The following CACNA1B variants were observed in gnomAD, a reference collection of about 807,000 sequenced individuals.
The protein encoded by CACNA1B is voltage-dependent N-type calcium channel subunit alpha-1B.
A neutral mutation model predicts 247.2 loss-of-function variants in CACNA1B; 70 were observed. The observed-to-expected ratio is 0.28, with a 90% CI of 0.23 to 0.35. The LOEUF (loss-of-function observed/expected upper bound fraction) is 0.35. Among genes scored for constraint, CACNA1B ranks in the 10% least tolerant of loss-of-function variants. The probability of loss-of-function intolerance (pLI) is 1.00; values close to 1 mark genes in which losing one functional copy is unlikely to be tolerated. For synonymous variants in CACNA1B, 1,231 were observed against 1,294.4 expected (o/e 0.95, Z 1.05); for missense variants, 2,367 against 3,197.4 (o/e 0.74, Z 6.26).
At chr9:138,076,873 GGAGAGACCTCTTA>G (rs1238134991) in intron 35 of CACNA1B, among the ~76,000 whole-genome samples, 2 of 152,238 alleles carry the variant, frequency 1.3e-5, no homozygotes, top group Admixed American at 6.5e-5. Flanking sequence ...TGAGCTGCCT[GGAGAGACCTCTTA>G]GACTCTTGTT....
intron 2 of CACNA1B, among the ~76,000 whole-genome samples, chr9:137,879,932 G>A (rs1162033672): frequency 6.6e-6 from 1 of 152,162 alleles, no homozygotes; most frequent in Non-Finnish European, 1.5e-5. Flanking sequence ...CCATGTCTGG[G>A]TTCCGAGTGT....
intron 6 of CACNA1B, among the ~76,000 whole-genome samples, chr9:137,949,109 G>GT (rs1564203161): frequency 3.1e-4 from 16 of 51,164 alleles, no homozygotes; most frequent in Non-Finnish European, 3.7e-4. Context: ...TGTTTGTGGT[G>GT]GCTGTGTGTC....
intron 15 of CACNA1B, among the ~76,000 whole-genome samples, chr9:137,999,220 G>A: frequency 6.8e-6 from 1 of 147,486 alleles, no homozygotes; most frequent in Non-Finnish European, 1.5e-5. Context: ...GTGACAGAGT[G>A]AGACTCCAAC....
rs7021254 is a variant in CACNA1B at position 137,990,893 on chromosome 9, A to G, written c.1974+4039A>G. On this transcript the variant is annotated intron_variant, in intron 15 of 46. Transcript: ENST00000371372. The surrounding 1 kb of genome is among the most constrained non-coding windows in gnomAD (Gnocchi z 4.5). The stretch of plus-strand genomic sequence containing the variant: ...TGGCTCTCAGGAAGCCCCATTCCTC[A>G]GGGCAGGGGGAGAACACCACATCAA... 0.35 allele frequency among the ~76,000 whole-genome samples: 53,456 copies of G among 152,130 alleles called. 12,781 individuals carry two copies. Among genetic ancestry groups the G allele is most frequent in the African/African-American group, 0.66 (27,540 of 41,476 alleles).
chr9:138,081,073 T>A (rs2131323293), intron 36 of CACNA1B, among the ~76,000 whole-genome samples: 1 of 152,316 alleles, frequency 6.6e-6, no homozygotes, highest in East Asian at 1.9e-4. Context: ...TTGGTCTCTA[T>A]ACTGTTCAAA....
chr9:138,116,904 A>G (rs1158533900), intron 42 of CACNA1B, among the ~76,000 whole-genome samples: 1 of 152,028 alleles, frequency 6.6e-6, no homozygotes, highest in African/African-American at 2.4e-5. Context: ...GCTGCTTGCA[A>G]CTCTCAGAAG....
At chr9:138,063,138 A>G (rs577534420) in intron 31 of CACNA1B, among the ~76,000 whole-genome samples, 2 of 152,264 alleles carry the variant, frequency 1.3e-5, no homozygotes, top group East Asian at 3.9e-4. Flanking sequence ...TGGTGTTCTG[A>G]AGAATGTCTT....
In CACNA1B at chr9:137,971,700, C is replaced by G; in HGVS notation, c.1543+108C>G. 1.1e-6 allele frequency: 1 copy of G among 892,434 alleles called. No homozygotes were observed. Among genetic ancestry groups the G allele is most frequent in the Non-Finnish European group, 1.7e-6 (1 of 575,086 alleles). The allele number at this position is 892,434 out of a possible 1,614,324, so 55.3% of individuals were successfully genotyped here. ...ACCCCAGGTGGGACGGGACCCACCC[C>G]CATGTTGCTCAAAGTATCCCACAGC... On this transcript the variant is annotated intron_variant, in intron 11 of 46. Coordinates refer to ENST00000371372, the MANE Select transcript of CACNA1B (RefSeq NM_000718.4). The surrounding 1 kb of genome is among the most constrained non-coding windows in gnomAD (Gnocchi z 4.4).
Position 137,888,185 on chromosome 9 carries a change from C to T in CACNA1B, c.530+5302C>T, listed in dbSNP as rs1160130105. Among the ~76,000 whole-genome samples the T allele has an allele frequency of 3.3e-5, 5 of 152,076 alleles. No individual in the cohort carries two copies. The highest frequency in any genetic ancestry group is 9.7e-5 in the African/African-American group (4 of 41,404). On this transcript the variant is annotated intron_variant, in intron 3 of 46. Transcript: ENST00000371372. The surrounding 1 kb of genome is among the most constrained non-coding windows in gnomAD (Gnocchi z 4.7). ...TGTACCAGGGAGTGGCGCTGGAGAA[C>T]GGGGCAGGTGGGCTCTGACACCCAG...
chr9:138,073,636 G>C lies in CACNA1B; in HGVS notation c.4791+32G>C. 4.1e-6 allele frequency: 5 copies of C among 1,233,884 alleles called. No homozygotes were observed. Among genetic ancestry groups the C allele is most frequent in the Non-Finnish European group, 6.0e-6 (5 of 833,644 alleles). 76.4% of individuals were successfully genotyped at this position (1,233,884 alleles called of 1,614,324 possible). A position where few individuals can be genotyped will look rare whatever the true frequency, so the allele number is the denominator to read the frequency against. ...CAGGCGGGGGGCCTCCATGCTTTCT[G>C]TCCCCTTCCTCCGTCTTGCTTCCCC... is the stretch of plus-strand genomic sequence containing the variant. On this transcript the variant is annotated intron_variant, in intron 33 of 46. Coordinates refer to ENST00000371372, the MANE Select transcript of CACNA1B (RefSeq NM_000718.4). This position sits in a 1 kb window ranked among gnomAD's most constrained non-coding sequence, Gnocchi z 6.4.
intron 31 of CACNA1B, among the ~76,000 whole-genome samples, chr9:138,067,194 A>C (rs1001809269): frequency 6.6e-6 from 1 of 152,208 alleles, no homozygotes; most frequent in Non-Finnish European, 1.5e-5. Flanking sequence ...AAAACCCTAA[A>C]TGGTTCTTTA....
intron 37 of CACNA1B, among the ~76,000 whole-genome samples, chr9:138,099,288 C>T (rs749249452): frequency 1.4e-4 from 22 of 152,286 alleles, no homozygotes; most frequent in Admixed American, 6.5e-4. Context: ...GCACAAGGCG[C>T]GCACGTGTGT....
intron 3 of CACNA1B, among the ~76,000 whole-genome samples, chr9:137,893,891 C>T (rs1439558919): frequency 1.3e-5 from 2 of 152,214 alleles, no homozygotes; most frequent in Non-Finnish European, 2.9e-5. Context: ...CCTCATGCTG[C>T]CCTTCTATGG....
chr9:138,043,117 C>T (rs1382659981), intron 20 of CACNA1B, among the ~76,000 whole-genome samples: 1 of 152,132 alleles, frequency 6.6e-6, no homozygotes, highest in African/African-American at 2.4e-5. Flanking sequence ...CCATATTAGC[C>T]CTGGGGAGTT....
At position 137,881,910 on chromosome 9, in the gene CACNA1B, C is replaced by T. The variant is rs1457272173; in HGVS notation, c.391-834C>T. Among the ~76,000 whole-genome samples the T allele has an allele frequency of 2.0e-5, 3 of 152,208 alleles. No individual in the cohort carries two copies. Among genetic ancestry groups the T allele is most frequent in the Admixed American group, 6.5e-5 (1 of 15,282 alleles). The stretch of plus-strand genomic sequence containing the variant: ...GCTGCTCTGTTCCCTCCACCTGGAT[C>T]CCTTTCTCAAAATCGAGCTGTGGAA... On this transcript the variant is annotated intron_variant, in intron 2 of 46. Transcript: ENST00000371372. This position sits in a 1 kb window ranked among gnomAD's most constrained non-coding sequence, Gnocchi z 4.3.
chr9:138,113,877 A>G (rs534256250), intron 40 of CACNA1B, among the ~76,000 whole-genome samples: 5 of 141,244 alleles, frequency 3.5e-5, no homozygotes, highest in Admixed American at 2.1e-4. Flanking sequence ...GAGGTGCCCA[A>G]CTCCACCTTG....
At chr9:138,118,609 C>T (rs149618908) in intron 43 of CACNA1B, 43 bp from the exon 44 acceptor site, 293 of 980,922 alleles carry the variant, frequency 3.0e-4, no homozygotes, top group Middle Eastern at 6.2e-4. Flanking sequence ...GATGAGTCCG[C>T]GGTGCCTTGT....
In CACNA1B at chr9:138,054,720, G is replaced by A. The variant is rs1003369627; in HGVS notation, c.3968+714G>A. ...AGTGGAATTGCCGGGTCCTGGGTGT[G>A]CGTGTACTCAGCCTTAGTAGATGCT... On this transcript the variant is annotated intron_variant, in intron 26 of 46. Transcript: ENST00000371372. The surrounding 1 kb of genome is among the most constrained non-coding windows in gnomAD (Gnocchi z 4.6). 1.3e-5 allele frequency among the ~76,000 whole-genome samples: 2 copies of A among 152,220 alleles called. No homozygotes were observed. The highest frequency in any genetic ancestry group is 4.8e-5 in the African/African-American group (2 of 41,456).
rs745696769 is a variant in CACNA1B at position 138,073,440 on chromosome 9, C to T, written c.4675-48C>T. The T allele has an allele frequency of 6.7e-6, 8 of 1,193,758 alleles. No homozygotes were observed. Among genetic ancestry groups the T allele is most frequent in the Non-Finnish European group, 8.8e-6 (7 of 799,092 alleles). The allele number at this position is 1,193,758 out of a possible 1,614,324, so 73.9% of individuals were successfully genotyped here. Reference sequence around the variant, plus strand: ...TTGTAGGGTGGCAGCAGCTTGCCTGCGCTTTCGGGGCTTCTGAAGGTCAGA... The same window carrying T: ...TTGTAGGGTGGCAGCAGCTTGCCTGTGCTTTCGGGGCTTCTGAAGGTCAGA... On this transcript the variant is annotated intron_variant, in intron 32 of 46. Coordinates refer to ENST00000371372, the MANE Select transcript of CACNA1B (RefSeq NM_000718.4). This position sits in a 1 kb window ranked among gnomAD's most constrained non-coding sequence, Gnocchi z 6.4.
Sources: allele counts gnomAD v4.1 joint callset (sites outside exome capture counted in the v4.1 genomes callset), GRCh38; gene constraint gnomAD v4.1.1; non-coding constraint Gnocchi (gnomAD v3.1); transcripts MANE v1.5; gene names NCBI Gene and HGNC (gene_info 2026-07-23, HGNC 2026-07-21).